The following UBAC2 variants were observed in gnomAD, a reference collection of about 807,000 sequenced individuals.
UBAC2 encodes UBA domain containing 2, also known as ubiquitin-associated domain-containing protein 2.
UBAC2 carries 26 observed loss-of-function variants against 44.0 expected under a neutral mutation model. The observed-to-expected ratio is 0.59, with a 90% CI of 0.43 to 0.82. The LOEUF (loss-of-function observed/expected upper bound fraction) is 0.82, where lower values mean the gene tolerates loss of function less well. Among genes scored for constraint, UBAC2 ranks in the 40% least tolerant of loss-of-function variants. The pLI, the probability that UBAC2 is intolerant of heterozygous loss-of-function variation, is 0.00. For synonymous variants in UBAC2, 155 were observed against 154.3 expected, an observed-to-expected ratio of 1.00 and a Z score of -0.04; for missense variants, 329 against 419.4, an observed-to-expected ratio of 0.78 and a Z score of 1.88.
chr13:99,229,727 T>C (rs921799050), intron 1 of UBAC2, among the ~76,000 whole-genome samples: 1 of 152,262 alleles, frequency 6.6e-6, no homozygotes, highest in Non-Finnish European at 1.5e-5. Flanking sequence ...TCTGTGACTT[T>C]TAAAAATCTT....
intron 4 of UBAC2, chr13:99,255,854 G>C (rs369303917): frequency 3.3e-5 from 52 of 1,587,732 alleles, no homozygotes; most frequent in Non-Finnish European, 4.2e-5. Context: ...GGTTGATCTT[G>C]ATTGTTCAGG....
chr13:99,231,703 G>A (rs974625726), intron 1 of UBAC2, among the ~76,000 whole-genome samples: 5 of 142,964 alleles, frequency 3.5e-5, no homozygotes, highest in Admixed American at 1.4e-4. Context: ...GAGCCACCAC[G>A]CCTGGCTCTC....
chr13:99,367,918 G>C lies in UBAC2; in HGVS notation c.927+12G>C. 2 of 1,612,234 alleles carry C rather than the reference G, an allele frequency of 1.2e-6. No homozygotes were observed. Among genetic ancestry groups the C allele is most frequent in the East Asian group, 2.2e-5 (1 of 44,868 alleles). ...TTTCTGAGGAACAGGTAATTAATCA[G>C]TAATACCTGGTACTCATTCTAAATC... On this transcript the variant is annotated intron_variant, in intron 8 of 8. Transcript: ENST00000403766.
chr13:99,246,076 T>C (rs931838117), intron 4 of UBAC2, among the ~76,000 whole-genome samples: 5 of 152,250 alleles, frequency 3.3e-5, no homozygotes, highest in Admixed American at 2.0e-4. Flanking sequence ...AGCTACTGTA[T>C]GTATCTTGAT....
At chr13:99,383,419 C>T (rs1008360523) in intron 8 of UBAC2, among the ~76,000 whole-genome samples, 7 of 152,076 alleles carry the variant, frequency 4.6e-5, no homozygotes, top group African/African-American at 1.7e-4. Flanking sequence ...TTTTTATCTA[C>T]GACACTCTCT....
chr13:99,204,165 A>G (rs996122790), intron 1 of UBAC2, among the ~76,000 whole-genome samples: 3 of 152,216 alleles, frequency 2.0e-5, no homozygotes, highest in Admixed American at 6.5e-5. Context: ...TTTTCCAGGT[A>G]TAGTTCCCAC....
At chr13:99,262,149 T>G (rs1224028443) in intron 4 of UBAC2, among the ~76,000 whole-genome samples, 2 of 152,232 alleles carry the variant, frequency 1.3e-5, no homozygotes, top group Non-Finnish European at 2.9e-5. Context: ...TGATCAGGTT[T>G]ACTGTCACAG....
chr13:99,227,218 A>G (rs117451628), intron 1 of UBAC2, among the ~76,000 whole-genome samples: 7 of 152,038 alleles, frequency 4.6e-5, no homozygotes, highest in South Asian at 2.1e-4. Flanking sequence ...AAAACAACAA[A>G]AAAAGACGGC....
At chr13:99,203,310 A>G (rs2042828997) in intron 1 of UBAC2, among the ~76,000 whole-genome samples, 1 of 152,194 alleles carries the variant, frequency 6.6e-6, no homozygotes, top group South Asian at 2.1e-4. Context: ...TGCTGGGATT[A>G]CAGGCGTGAG....
At chr13:99,383,848 G>A (rs1178469271) in intron 8 of UBAC2, among the ~76,000 whole-genome samples, 1 of 152,234 alleles carries the variant, frequency 6.6e-6, no homozygotes, top group Non-Finnish European at 1.5e-5. Context: ...GGGGAGGAGG[G>A]TCTGGGTGTC....
At chr13:99,315,607 A>C (rs1410715087) in intron 5 of UBAC2, among the ~76,000 whole-genome samples, 1 of 152,156 alleles carries the variant, frequency 6.6e-6, no homozygotes, top group Non-Finnish European at 1.5e-5. Flanking sequence ...TTTGTCACTT[A>C]CTTTTTCTGA....
chr13:99,346,492 G>A (rs983328062), intron 7 of UBAC2, among the ~76,000 whole-genome samples: 1 of 152,168 alleles, frequency 6.6e-6, no homozygotes, highest in Non-Finnish European at 1.5e-5. Context: ...AAGCCCTTAG[G>A]CCAGCCATGC....
At chr13:99,369,692 C>T (rs1490277662) in intron 8 of UBAC2, among the ~76,000 whole-genome samples, 1 of 152,162 alleles carries the variant, frequency 6.6e-6, no homozygotes. Flanking sequence ...CCACAAGTTA[C>T]TTACTAATTA....
intron 8 of UBAC2, among the ~76,000 whole-genome samples, chr13:99,383,575 G>T (rs761926425): frequency 1.3e-5 from 2 of 152,222 alleles, no homozygotes; most frequent in African/African-American, 4.8e-5. Context: ...CCTCCCCACC[G>T]CAAGGCATTT....
At chr13:99,338,426 G>A (rs71438001) in intron 6 of UBAC2, among the ~76,000 whole-genome samples, 8 of 152,084 alleles carry the variant, frequency 5.3e-5, no homozygotes, top group African/African-American at 1.9e-4. Flanking sequence ...GGCCACATGT[G>A]GCCCACAGGC....
At chr13:99,283,630 G>A (rs527853933) in intron 4 of UBAC2, among the ~76,000 whole-genome samples, 67 of 151,150 alleles carry the variant, frequency 4.4e-4, no homozygotes, top group Middle Eastern at 3.4e-3. Context: ...ACTAAGTGAC[G>A]GCTACTTAAG....
At chr13:99,264,688 T>C (rs1430583299) in intron 4 of UBAC2, among the ~76,000 whole-genome samples, 1 of 152,132 alleles carries the variant, frequency 6.6e-6, no homozygotes, top group African/African-American at 2.4e-5. Context: ...CTTCCGGCCT[T>C]GTGTGATTTG....
intron 2 of UBAC2, among the ~76,000 whole-genome samples, chr13:99,239,279 G>A (rs559073941): frequency 6.6e-6 from 1 of 152,112 alleles, no homozygotes; most frequent in African/African-American, 2.4e-5. Flanking sequence ...TTATTTATCC[G>A]TATTACTGAT....
At chr13:99,368,067 A>T (rs1156810970) in intron 8 of UBAC2, among the ~76,000 whole-genome samples, 161 bp downstream of exon 8, 1 of 146,004 alleles carries the variant, frequency 6.8e-6, no homozygotes, top group African/African-American at 2.5e-5. Context: ...TTTTTTGGCT[A>T]TTGTGGTTCT....
Sources: allele counts gnomAD v4.1 joint callset (sites outside exome capture counted in the v4.1 genomes callset), GRCh38; gene constraint gnomAD v4.1.1; transcripts MANE v1.5; gene names NCBI Gene and HGNC (gene_info 2026-07-23, HGNC 2026-07-21).